Variants in INTU observed in about 807,000 individuals in gnomAD.
The protein encoded by INTU is inturned planar cell polarity protein, also known as protein inturned.
Under a neutral mutation model 100.5 loss-of-function variants are expected in INTU, and 68 were observed. The observed-to-expected ratio is 0.68, with a 90% CI of 0.56 to 0.83. The LOEUF (loss-of-function observed/expected upper bound fraction) is 0.83, where lower values mean the gene tolerates loss of function less well. Ranked by LOEUF, INTU falls within the 40% of genes least tolerant of loss-of-function variation. The probability of loss-of-function intolerance (pLI) is 0.00; values close to 1 mark genes in which losing one functional copy is unlikely to be tolerated. For synonymous variants in INTU, 357 were observed against 395.7 expected (o/e 0.90, Z 1.16); for missense variants, 1,071 against 1,114.7 (o/e 0.96, Z 0.56).
intron 6 of INTU, among the ~76,000 whole-genome samples, chr4:127,679,339 C>T (rs1729399374): frequency 6.6e-6 from 1 of 152,026 alleles, no homozygotes; most frequent in Non-Finnish European, 1.5e-5. Context: ...CCAAAATTGA[C>T]CACATACTTG....
At chr4:127,667,603 T>G (rs748440554) in intron 4 of INTU, among the ~76,000 whole-genome samples, 6 of 151,820 alleles carry the variant, frequency 4.0e-5, no homozygotes, top group African/African-American at 4.8e-5. Context: ...AGTATATGGG[T>G]TTTTTTTGTT....
Position 127,662,304 on chromosome 4 carries a change from G to A in INTU, c.769-1077G>A, listed in dbSNP as rs896851996. Among the ~76,000 whole-genome samples the A allele has an allele frequency of 2.0e-5, 3 of 152,014 alleles. No individual in the cohort carries two copies. The East Asian group carries it at 5.8e-4, about 29-fold the overall frequency. On this transcript the variant is annotated intron_variant, in intron 3 of 15. Transcript: ENST00000335251. ...AATTGGGTCCCATTTATTTATTTTC[G>A]TTTTTGTTGCATTTGCTTTTGGAGT...
chr4:127,654,071 C>T (rs1038097653), intron 2 of INTU, among the ~76,000 whole-genome samples: 3 of 150,302 alleles, frequency 2.0e-5, no homozygotes, highest in Admixed American at 6.6e-5. Context: ...TTTCCATTTG[C>T]TTGGTAGATC....
intron 8 of INTU, among the ~76,000 whole-genome samples, chr4:127,691,018 C>T (rs1188255561): frequency 6.6e-6 from 1 of 152,116 alleles, no homozygotes; most frequent in Non-Finnish European, 1.5e-5. Context: ...TTCATCCCTC[C>T]CTTTCCATTA....
chr4:127,687,445 A>G, intron 7 of INTU: 1 of 279,036 alleles, frequency 3.6e-6, no homozygotes. Context: ...TGGTTCTTCC[A>G]TAGAGCCATC....
chr4:127,677,321 C>G (rs1221831557), intron 6 of INTU, among the ~76,000 whole-genome samples: 1 of 151,728 alleles, frequency 6.6e-6, no homozygotes, highest in South Asian at 2.1e-4. Flanking sequence ...TGACCCCTGA[C>G]CCCCGAGCAG....
intron 1 of INTU, among the ~76,000 whole-genome samples, chr4:127,641,943 A>C (rs1727351692): frequency 6.6e-6 from 1 of 152,148 alleles, no homozygotes; most frequent in Non-Finnish European, 1.5e-5. Flanking sequence ...ATATATCTCT[A>C]ATACAAATAA....
rs952666629 is a variant in INTU at position 127,704,622 on chromosome 4, A to G, written c.1566+332A>G. Reference sequence around the variant, plus strand: ...ATTAAGACCTTAAAACAAGATTTGCATCTACATACTTGTAAATATAATAAA... The same window carrying G: ...ATTAAGACCTTAAAACAAGATTTGCGTCTACATACTTGTAAATATAATAAA... On this transcript the variant is annotated intron_variant, in intron 10 of 15. Transcript: ENST00000335251. Among the ~76,000 whole-genome samples, 6 of 152,182 alleles carry G rather than the reference A, an allele frequency of 3.9e-5. No individual in the cohort carries two copies. The East Asian group carries it at 5.8e-4, about 15-fold the overall frequency.
intron 5 of INTU, among the ~76,000 whole-genome samples, chr4:127,669,714 C>G (rs943615014): frequency 6.6e-6 from 1 of 151,796 alleles, no homozygotes; most frequent in African/African-American, 2.4e-5. Context: ...TTCCTGCCCT[C>G]CCACCCTTCA....
chr4:127,674,427 G>A (rs986619451), intron 6 of INTU, among the ~76,000 whole-genome samples: 1 of 152,200 alleles, frequency 6.6e-6, no homozygotes, highest in Non-Finnish European at 1.5e-5. Flanking sequence ...TAGTAAGGGT[G>A]GGGCTGTCAA....
intron 2 of INTU, among the ~76,000 whole-genome samples, chr4:127,655,008 A>G (rs1036698290): frequency 6.6e-6 from 1 of 151,240 alleles, no homozygotes; most frequent in African/African-American, 2.4e-5. Context: ...CTTCCAGTTG[A>G]TTGCATCGGC....
chr4:127,682,550 A>T (rs1400512038), intron 6 of INTU, among the ~76,000 whole-genome samples: 3 of 138,816 alleles, frequency 2.2e-5, no homozygotes, highest in African/African-American at 5.4e-5. Flanking sequence ...AACAATGAGA[A>T]CACATGGACA....
intron 13 of INTU, 23 bp from the exon 14 acceptor site, chr4:127,710,890 C>A: frequency 7.1e-7 from 1 of 1,402,522 alleles, no homozygotes; most frequent in Non-Finnish European, 9.4e-7. Context: ...TTTTTCTTCT[C>A]TTTGATTTTT....
chr4:127,651,098 A>G (rs1261222991), intron 2 of INTU, among the ~76,000 whole-genome samples: 1 of 151,622 alleles, frequency 6.6e-6, no homozygotes, highest in Non-Finnish European at 1.5e-5. Context: ...GTTTGAGTTC[A>G]TTGTAGATTC....
chr4:127,652,413 G>C (rs1333611425), intron 2 of INTU, among the ~76,000 whole-genome samples: 2 of 142,476 alleles, frequency 1.4e-5, no homozygotes, highest in Non-Finnish European at 3.0e-5. Context: ...CTAATTTATT[G>C]AGAGTTTTTA....
chr4:127,687,677 G>T lies in INTU; in HGVS notation c.1260-1G>T. The T allele has an allele frequency of 2.5e-6, 4 of 1,605,166 alleles. No homozygotes were observed. The highest frequency in any genetic ancestry group is 3.4e-6 in the Non-Finnish European group (4 of 1,173,066). Reference sequence around the variant, plus strand: ...CTAACTTACAGCTCTTATTTCTCCAGTGCCTTTTGCCAGATTGAGAATGTT... The same window carrying T: ...CTAACTTACAGCTCTTATTTCTCCATTGCCTTTTGCCAGATTGAGAATGTT... On this transcript the variant is annotated splice_acceptor_variant, in intron 7 of 15. Transcript: ENST00000335251. LOFTEE classifies it high-confidence loss of function.
intron 6 of INTU, among the ~76,000 whole-genome samples, chr4:127,680,597 A>G (rs1340503346): frequency 3.0e-5 from 3 of 100,976 alleles, no homozygotes; most frequent in Admixed American, 1.1e-4. Flanking sequence ...TATTGATGGG[A>G]CGTATCTCAA....
intron 3 of INTU, among the ~76,000 whole-genome samples, chr4:127,662,163 G>C (rs1291925405): frequency 1.3e-5 from 2 of 151,960 alleles, no homozygotes; most frequent in African/African-American, 2.4e-5. Flanking sequence ...GAGTTCTTTA[G>C]AGATTCTGAA....
At chr4:127,640,875 G>A (rs899172277) in intron 1 of INTU, among the ~76,000 whole-genome samples, 34 of 151,870 alleles carry the variant, frequency 2.2e-4, no homozygotes, top group Non-Finnish European at 1.9e-4. Context: ...TTTTTTAACA[G>A]TGTTCATGTG....
Sources: gnomAD v4.1 joint callset for allele counts (sites outside exome capture counted in the v4.1 genomes callset) on GRCh38, gnomAD v4.1.1 for gene constraint, MANE v1.5 for transcripts, NCBI Gene and HGNC (gene_info 2026-07-23, HGNC 2026-07-21) for gene names.